Variants in LRRC4C observed in about 807,000 individuals in gnomAD.
LRRC4C encodes the protein leucine rich repeat containing 4C, also known as leucine-rich repeat-containing protein 4C.
LRRC4C carries 5 observed loss-of-function variants against 33.6 expected under a neutral mutation model. That is an observed-to-expected ratio of 0.15 (90% CI 0.08 to 0.31). The LOEUF (loss-of-function observed/expected upper bound fraction) is 0.31. LRRC4C is among the 10% of genes least tolerant of loss of function. The pLI is 1.00. For missense variants in LRRC4C, 560 were observed against 796.7 expected (o/e 0.70, Z 3.58); for synonymous variants, 329 against 302.0 (o/e 1.09, Z -0.93).
chr11:41,022,882 A>G (rs989968904), intron 1 of LRRC4C, among the ~76,000 whole-genome samples: 5 of 151,936 alleles, frequency 3.3e-5, no homozygotes, highest in Non-Finnish European at 5.9e-5. Flanking sequence ...GAGTGGAAAA[A>G]TGATGAACTG....
At chr11:40,838,700 ATAAG>A (rs1202631804) in intron 2 of LRRC4C, among the ~76,000 whole-genome samples, 6 of 152,060 alleles carry the variant, frequency 3.9e-5, no homozygotes, top group African/African-American at 1.2e-4. Flanking sequence ...ACCCACACAC[ATAAG>A]TATTTATATA....
intron 1 of LRRC4C, among the ~76,000 whole-genome samples, chr11:40,946,622 T>C (rs1390243451): frequency 6.6e-6 from 1 of 152,158 alleles, no homozygotes; most frequent in African/African-American, 2.4e-5. Context: ...GTGTTTTGAC[T>C]TTTTACTAAT....
intron 1 of LRRC4C, among the ~76,000 whole-genome samples, chr11:41,195,968 C>T (rs868361316): frequency 3.9e-5 from 6 of 152,050 alleles, no homozygotes; most frequent in Non-Finnish European, 8.8e-5. Context: ...GATCCCTTCT[C>T]GAGAAAACAA....
intron 1 of LRRC4C, among the ~76,000 whole-genome samples, chr11:41,040,060 C>T (rs1857336072): frequency 6.7e-6 from 1 of 150,270 alleles, no homozygotes; most frequent in Non-Finnish European, 1.5e-5. Flanking sequence ...ATGGCGTGAA[C>T]CCAGGAGGCA....
intron 1 of LRRC4C, among the ~76,000 whole-genome samples, chr11:41,164,105 A>G (rs1244782426): frequency 3.3e-5 from 5 of 151,634 alleles, no homozygotes; most frequent in African/African-American, 1.2e-4. Context: ...AATAACATTT[A>G]TTTTAAAATA....
At chr11:40,951,921 G>T (rs574935046) in intron 1 of LRRC4C, among the ~76,000 whole-genome samples, 2 of 151,834 alleles carry the variant, frequency 1.3e-5, no homozygotes, top group African/African-American at 4.8e-5. Context: ...TAAGCCTGGG[G>T]TAGACAATTT....
At chr11:41,224,680 A>G (rs547087221) in intron 1 of LRRC4C, among the ~76,000 whole-genome samples, 1 of 152,324 alleles carries the variant, frequency 6.6e-6, no homozygotes, top group Non-Finnish European at 1.5e-5. Context: ...TTCAATCTTG[A>G]AATGTCAACG....
intron 3 of LRRC4C, among the ~76,000 whole-genome samples, chr11:40,362,992 G>A (rs1948029365): frequency 6.6e-6 from 1 of 152,134 alleles, no homozygotes; most frequent in Non-Finnish European, 1.5e-5. Context: ...CAGCCATTGT[G>A]GAAGACAGTG....
intron 4 of LRRC4C, among the ~76,000 whole-genome samples, chr11:40,272,679 A>G (rs1037988286): frequency 2.0e-5 from 3 of 152,168 alleles, no homozygotes; most frequent in Non-Finnish European, 4.4e-5. Context: ...AATGCAATAA[A>G]GTAGTTGCTA....
At chr11:40,388,835 C>T (rs1480538473) in intron 3 of LRRC4C, among the ~76,000 whole-genome samples, 4 of 152,288 alleles carry the variant, frequency 2.6e-5, no homozygotes, top group South Asian at 2.1e-4. Context: ...TGGGTCAATT[C>T]TGTCTGTATT....
chr11:40,940,979 T>C (rs1958117006), intron 1 of LRRC4C, among the ~76,000 whole-genome samples: 1 of 150,158 alleles, frequency 6.7e-6, no homozygotes, highest in Non-Finnish European at 1.5e-5. Context: ...GATCACGTAA[T>C]ACATTCAGAA....
intron 2 of LRRC4C, among the ~76,000 whole-genome samples, chr11:40,765,303 T>A (rs1949398658): frequency 6.6e-6 from 1 of 152,166 alleles, no homozygotes; most frequent in Non-Finnish European, 1.5e-5. Flanking sequence ...CTCTCCCCTC[T>A]CTCTTTCTTC....
At chr11:40,740,705 G>T (rs539411100) in intron 2 of LRRC4C, among the ~76,000 whole-genome samples, 1 of 151,938 alleles carries the variant, frequency 6.6e-6, no homozygotes, top group South Asian at 2.1e-4. Flanking sequence ...AAATAGCATT[G>T]CCCAGACTAA....
At chr11:40,880,767 T>G (rs1380697143) in intron 2 of LRRC4C, among the ~76,000 whole-genome samples, 2 of 151,468 alleles carry the variant, frequency 1.3e-5, no homozygotes, top group Non-Finnish European at 2.9e-5. Context: ...AGGTAAAGTA[T>G]TTTTTTGATA....
At chr11:41,088,763 G>GA (rs970252603) in intron 1 of LRRC4C, among the ~76,000 whole-genome samples, 1 of 151,934 alleles carries the variant, frequency 6.6e-6, no homozygotes, top group Non-Finnish European at 1.5e-5. Context: ...TGAGTTAGAA[G>GA]AAAAAACTGA....
chr11:40,192,402 A>G (rs1048404244), intron 5 of LRRC4C, among the ~76,000 whole-genome samples: 2 of 152,178 alleles, frequency 1.3e-5, no homozygotes, highest in African/African-American at 4.8e-5. Flanking sequence ...GGCAGCCATG[A>G]GGGACGGTGC....
chr11:40,921,549 A>G (rs1339331570), intron 2 of LRRC4C, among the ~76,000 whole-genome samples: 1 of 152,188 alleles, frequency 6.6e-6, no homozygotes. Context: ...AGTTTAGCTC[A>G]GTAAGACCTA....
chr11:40,633,371 T>TTCTTTCTTTCTTTTTCTTTCTTTCTC (rs745929705), intron 3 of LRRC4C, among the ~76,000 whole-genome samples: 2 of 96,308 alleles, frequency 2.1e-5, no homozygotes, highest in Non-Finnish European at 4.3e-5. Context: ...CTTTCTTTCT[T>TTCTTTCTTTCTTTTTCTTTCTTTCTC]TCTCTCTCTT....
At chr11:41,007,048 C>G (rs1291031992) in intron 1 of LRRC4C, among the ~76,000 whole-genome samples, 1 of 152,106 alleles carries the variant, frequency 6.6e-6, no homozygotes, top group Non-Finnish European at 1.5e-5. Flanking sequence ...ATAACTTCAT[C>G]TCTAGTGTTG....
Sources: allele counts gnomAD v4.1 joint callset (sites outside exome capture counted in the v4.1 genomes callset), GRCh38; gene constraint gnomAD v4.1.1; transcripts MANE v1.5; gene names NCBI Gene and HGNC (gene_info 2026-07-23, HGNC 2026-07-21).